SETD5: variants seen among roughly 807,000 people sequenced by gnomAD.
SETD5 encodes the protein SET domain containing 5, also known as histone-lysine N-methyltransferase SETD5.
Under a neutral mutation model 153.3 loss-of-function variants are expected in SETD5, and 44 were observed. That is an observed-to-expected ratio of 0.29 (90% CI 0.23 to 0.37). The LOEUF (loss-of-function observed/expected upper bound fraction) is 0.37. Ranked by LOEUF, SETD5 falls within the 10% of genes least tolerant of loss-of-function variation. The pLI is 1.00. For synonymous variants in SETD5, 716 were observed against 645.2 expected (o/e 1.11, Z -1.66); for missense variants, 1,544 against 1,768.0 (o/e 0.87, Z 2.27).
chr3:9,471,127 G>C (rs971689901), intron 19 of SETD5, among the ~76,000 whole-genome samples, 198 bp downstream of exon 19: 3 of 152,216 alleles, frequency 2.0e-5, no homozygotes, highest in Non-Finnish European at 4.4e-5. Flanking sequence ...GTAAATGCCT[G>C]TATGTGCCAT....
chr3:9,428,507 A>G lies in SETD5; in HGVS notation c.-116-316A>G, dbSNP rs191707739. On this transcript the variant is annotated intron_variant, in intron 2 of 22. Coordinates refer to ENST00000402198, the MANE Select transcript of SETD5 (RefSeq NM_001080517.3). Reference sequence around the variant, plus strand: ...TCTTAAAACTTGTTTGCTATATCCTAGGCTGCCAGAAAATTTTGTTTGGGC... The same window carrying G: ...TCTTAAAACTTGTTTGCTATATCCTGGGCTGCCAGAAAATTTTGTTTGGGC... Among the ~76,000 whole-genome samples the G allele has an allele frequency of 1.4e-3, 207 of 152,336 alleles. 5 individuals are homozygous for G. In the East Asian group the frequency reaches 0.025, roughly 18 times the overall value.
At chr3:9,440,730 T>A in intron 8 of SETD5, 32 bp downstream of exon 8, 1 of 1,595,950 alleles carries the variant, frequency 6.3e-7, no homozygotes, top group Non-Finnish European at 8.5e-7. Flanking sequence ...ACTCTCTAAG[T>A]AGCTGAAATT....
intron 17 of SETD5, among the ~76,000 whole-genome samples, chr3:9,460,518 C>A (rs2043829182): frequency 6.7e-6 from 1 of 150,288 alleles, no homozygotes. Context: ...TTTTGGAGAA[C>A]TAGAACAGAA....
rs199509254 is a variant in SETD5 at position 9,470,658 on chromosome 3, A to G, written c.2924A>G (p.Gln975Arg). ...GHQTLVRNSDQAFRTEFNLMY... is the reference protein window; with the variant it reads ...GHQTLVRNSDRAFRTEFNLMY... ...CAGACCCTCGTGAGAAACTCAGACC[A>G]GGCATTTCGGACAGAGTTCAACTTG... is the stretch of plus-strand genomic sequence containing the variant. The change falls in exon 19 of 23, where the codon CAG (glutamine) becomes CGG (arginine). Residue 975 changes from glutamine (Q) to arginine (R), a missense_variant. Coordinates refer to ENST00000402198, the MANE Select transcript of SETD5 (RefSeq NM_001080517.3). The G allele has an allele frequency of 3.3e-5, 54 of 1,614,002 alleles. No homozygotes were observed. The East Asian group carries it at 1.2e-3, about 36-fold the overall frequency.
intron 17 of SETD5, among the ~76,000 whole-genome samples, chr3:9,454,691 A>G (rs930056488): frequency 1.3e-5 from 2 of 149,742 alleles, no homozygotes; most frequent in Admixed American, 6.8e-5. Context: ...GTCTTTGTGC[A>G]TTTTTAAACT....
At position 9,478,013 on chromosome 3, in the gene SETD5, G is replaced by T; in HGVS notation, c.*1922G>T. On this transcript the variant is annotated 3_prime_UTR_variant, in exon 23 of 23. Transcript: ENST00000402198. ...CTTGGGGGGGTAGGGGCGGGGGGGTGGGGGGAACTCTTGGAAGGGAAGAAG... is the reference window on the plus strand; with the variant it reads ...CTTGGGGGGGTAGGGGCGGGGGGGTTGGGGGAACTCTTGGAAGGGAAGAAG... 1 of 120,188 alleles carries T rather than the reference G, an allele frequency of 8.3e-6. No homozygotes were observed. The highest frequency in any genetic ancestry group is 3.0e-5 in the African/African-American group (1 of 33,240). The allele number at this position is 120,188 out of a possible 1,614,324, so 7.4% of individuals were successfully genotyped here. A position where few individuals can be genotyped will look rare whatever the true frequency, so the allele number is the denominator to read the frequency against.
Position 9,473,555 on chromosome 3 carries a change from GT to G in SETD5, c.3497+22del. On this transcript the variant is annotated intron_variant, in intron 20 of 22. Transcript: ENST00000402198. The stretch of plus-strand genomic sequence containing the variant: ...AGTAGGTGGTAAGTTTATATTTGAT[GT>G]TTTATAGTTAAATTGGGGGTGGGGG... 2.5e-6 allele frequency: 4 copies of G among 1,587,598 alleles called. No homozygotes were observed. Among genetic ancestry groups the G allele is most frequent in the Non-Finnish European group, 3.4e-6 (4 of 1,164,342 alleles).
chr3:9,475,993 T>G lies in SETD5; in HGVS notation c.4231T>G (p.Ser1411Ala). The stretch of plus-strand genomic sequence containing the variant: ...CTCCAGGGTATCTGCGGTTTCCAAT[T>G]CACAGCACTACCCACACCGTGGGAG... ...QASRVSAVSN[S>A]QHYPHRGSGG... is the part of the protein sequence containing the mutation. Residue 1411 changes from serine (S) to alanine (A), a missense_variant, in exon 23 of 23, where the codon TCA becomes GCA. By Grantham distance (99) the Ser-to-Ala change is moderately conservative. This residue lies in a region of SETD5 where 302 missense variants were observed against 277.6 expected (regional missense o/e 1.09). Transcript: ENST00000402198. The G allele has an allele frequency of 6.2e-7, 1 of 1,613,968 alleles. No individual in the cohort carries two copies. The highest frequency in any genetic ancestry group is 1.1e-5 in the South Asian group (1 of 91,078).
intron 3 of SETD5, chr3:9,430,898 T>C (rs2039884368): frequency 1.0e-6 from 1 of 985,324 alleles, no homozygotes; most frequent in Non-Finnish European, 1.2e-6. Context: ...TTTTCATTCA[T>C]GATCTCCAGA....
At chr3:9,430,430 T>C (rs905894541) in intron 3 of SETD5, 4 of 785,476 alleles carry the variant, frequency 5.1e-6, no homozygotes, top group Admixed American at 6.2e-5. Context: ...TTTTTTCTTC[T>C]TTTGTTTTTG....
In SETD5 at chr3:9,433,907, A is replaced by T. The variant is rs1448467228; in HGVS notation, c.134A>T (p.Tyr45Phe). Residue 45 changes from tyrosine to phenylalanine, a missense_variant, in exon 4 of 23, where the codon TAT (tyrosine) becomes TTT (phenylalanine). By Grantham distance (22) the Tyr-to-Phe change is conservative. Coordinates refer to ENST00000402198, the MANE Select transcript of SETD5 (RefSeq NM_001080517.3). ...NEKSVYSTHNYGTTQRHGCRG... is the reference protein window; with the variant it reads ...NEKSVYSTHNFGTTQRHGCRG... ...AAGAGCGTGTATTCCACTCATAATT[A>T]TGGGACCACTCAGAGGCATGGGTGT... 2 of 1,613,908 alleles carry T rather than the reference A, an allele frequency of 1.2e-6. No homozygotes were observed.
intron 13 of SETD5, among the ~76,000 whole-genome samples, 157 bp downstream of exon 13, chr3:9,445,897 T>A (rs549500714): frequency 1.3e-5 from 2 of 151,800 alleles, no homozygotes; most frequent in South Asian, 2.1e-4. Context: ...ATAATTTTTT[T>A]ATTTATTTTT....
chr3:9,443,282 A>G, intron 10 of SETD5, 26 bp from the exon 11 acceptor site: 1 of 1,526,214 alleles, frequency 6.6e-7, no homozygotes. Context: ...TTTATGAAAA[A>G]TCCAACCAGA....
intron 3 of SETD5, chr3:9,429,251 T>C (rs1412761952): frequency 7.3e-6 from 2 of 272,156 alleles, no homozygotes; most frequent in Non-Finnish European, 1.4e-5. Flanking sequence ...AGTTGCAAAG[T>C]AGGAATTCAT....
Position 9,434,689 on chromosome 3 carries a change from T to C in SETD5, c.330-135T>C, listed in dbSNP as rs1342072593. The C allele has an allele frequency of 3.4e-6, 5 of 1,461,254 alleles. No individual in the cohort carries two copies. The highest frequency in any genetic ancestry group is 2.9e-5 in the African/African-American group (2 of 69,942). 90.5% of individuals were successfully genotyped at this position (1,461,254 alleles called of 1,614,324 possible). ...GATGTTAAAGCTATTGAATTTGATATGAAATTTAATGTCCTGGAAACATTT... is the reference window on the plus strand; with the variant it reads ...GATGTTAAAGCTATTGAATTTGATACGAAATTTAATGTCCTGGAAACATTT... On this transcript the variant is annotated intron_variant, in intron 5 of 22. Coordinates refer to ENST00000402198, the MANE Select transcript of SETD5 (RefSeq NM_001080517.3). The surrounding 1 kb of genome is among the most constrained non-coding windows in gnomAD (Gnocchi z 5.6).
intron 1 of SETD5, among the ~76,000 whole-genome samples, chr3:9,408,511 T>C (rs77059392): frequency 0.044 from 6,697 of 152,274 alleles, 246 homozygotes; most frequent in Admixed American, 0.11. Context: ...AGATTCTGTT[T>C]TTTCCATGTA....
chr3:9,428,805 T>G lies in SETD5; in HGVS notation c.-116-18T>G. On this transcript the variant is annotated intron_variant, in intron 2 of 22. Coordinates refer to ENST00000402198, the MANE Select transcript of SETD5 (RefSeq NM_001080517.3). ...ACTAGGTATTTATTTTACTAGATAT[T>G]TTCCTTTTCTGTTACAGGATTCCTC... 2.0e-6 allele frequency: 1 copy of G among 491,608 alleles called. No individual in the cohort carries two copies. Among genetic ancestry groups the G allele is most frequent in the Non-Finnish European group, 3.7e-6 (1 of 268,574 alleles). The allele number at this position is 491,608 out of a possible 1,614,324, so 30.5% of individuals were successfully genotyped here.
intron 3 of SETD5, chr3:9,433,240 C>T: frequency 6.0e-6 from 3 of 502,496 alleles, no homozygotes; most frequent in South Asian, 2.1e-5. Context: ...TAATTTTGTC[C>T]TTAATATGCT....
chr3:9,452,582 C>T (rs1407992910), intron 16 of SETD5, among the ~76,000 whole-genome samples: 2 of 140,184 alleles, frequency 1.4e-5, no homozygotes, highest in Non-Finnish European at 3.1e-5. Context: ...TTCACTCTTC[C>T]TTCCAAGTGT....
Sources: allele counts gnomAD v4.1 joint callset (sites outside exome capture counted in the v4.1 genomes callset), GRCh38; gene constraint gnomAD v4.1.1; regional missense constraint gnomAD v4.1.1; non-coding constraint Gnocchi (gnomAD v3.1); transcripts MANE v1.5; gene names NCBI Gene and HGNC (gene_info 2026-07-23, HGNC 2026-07-21).